The following COL16A1 variants were observed in gnomAD, a reference collection of about 807,000 sequenced individuals.
COL16A1 encodes collagen alpha-1(XVI) chain.
A neutral mutation model predicts 266.3 loss-of-function variants in COL16A1; 189 were observed. That is an observed-to-expected ratio of 0.71 (90% CI 0.63 to 0.80). COL16A1 has a LOEUF of 0.80. COL16A1 is among the 30% of genes least tolerant of loss of function. The pLI is 0.00. For synonymous variants in COL16A1, 740 were observed against 782.3 expected, an observed-to-expected ratio of 0.95 and a Z score of 0.90; for missense variants, 1,928 against 2,122.4, an observed-to-expected ratio of 0.91 and a Z score of 1.80.
intron 58 of COL16A1, 144 bp from the exon 59 acceptor site, chr1:31,661,848 G>A: frequency 1.1e-6 from 1 of 875,532 alleles, no homozygotes; most frequent in Non-Finnish European, 1.7e-6. Flanking sequence ...CCTCTGACTG[G>A]CTGTGGATCC....
rs201065908 is a variant in COL16A1, at chr1:31,661,079, C to T, written c.3812G>A (p.Arg1271Gln). 7.2e-5 allele frequency: 112 copies of T among 1,565,916 alleles called. No individual in the cohort carries two copies. Among genetic ancestry groups the T allele is most frequent in the East Asian group, 3.8e-4 (16 of 42,660 alleles). ...CCTGGCCCTCACCTCTGCGCCAGGC[C>T]GGCCAGTGCTGCCAGGGGGACCTGG... ...GKPGPPGSTG[R>Q]PGAEGEPGAM... The change falls in exon 61 of 71, where the codon CGG (arginine) becomes CAG (glutamine). Residue 1271 changes from arginine to glutamine, a missense_variant. Coordinates refer to ENST00000373672, the MANE Select transcript of COL16A1 (RefSeq NM_001856.4).
chr1:31,675,183 G>A (rs1029822482), intron 43 of COL16A1, 75 bp downstream of exon 43: 4 of 1,612,604 alleles, frequency 2.5e-6, no homozygotes, highest in Non-Finnish European at 3.4e-6. Context: ...CAGCTACCGG[G>A]CCAGCTTCAT....
rs78252499 is a variant in COL16A1, at chr1:31,672,983, G to A, written c.2860-143C>T. On this transcript the variant is annotated intron_variant, in intron 44 of 70. Transcript: ENST00000373672. ...TCCCACACTCCCTCCCTCCCCAGCC[G>A]CATCCCTGCGGCAGCTTTGCTCCAT... 7,781 of 790,020 alleles carry A rather than the reference G, an allele frequency of 9.8e-3. 85 individuals are homozygous for A. Among genetic ancestry groups the A allele is most frequent in the East Asian group, 0.035 (1,311 of 37,476 alleles). 48.9% of individuals were successfully genotyped at this position (790,020 alleles called of 1,614,324 possible).
intron 67 of COL16A1, among the ~76,000 whole-genome samples, chr1:31,655,081 A>G (rs951831549): frequency 4.7e-5 from 7 of 147,638 alleles, no homozygotes; most frequent in Non-Finnish European, 7.4e-5. Flanking sequence ...TAGATTCTCA[A>G]TCCAAAGTCC....
intron 2 of COL16A1, chr1:31,701,361 T>C (rs1644717591): frequency 1.3e-5 from 13 of 985,240 alleles, no homozygotes; most frequent in Non-Finnish European, 1.6e-5. Flanking sequence ...TATGTGCACA[T>C]ACAAGGGGCA....
intron 22 of COL16A1, 177 bp from the exon 23 acceptor site, chr1:31,690,028 C>T: frequency 1.6e-6 from 1 of 629,192 alleles, no homozygotes; most frequent in South Asian, 2.0e-5. Context: ...CATTCATTCA[C>T]CACAAGATTC....
rs1405369444 is a variant in COL16A1, at chr1:31,670,691, C to A, written c.3151-45G>T. ...GGTCACATCTCACAGGCACAGTAAC[C>A]CTGGGACAGCCTGGAGGGCACAGTC... On this transcript the variant is annotated intron_variant, in intron 48 of 70. Transcript: ENST00000373672. This position sits in a 1 kb window ranked among gnomAD's most constrained non-coding sequence, Gnocchi z 4.5. 4 of 1,403,220 alleles carry A rather than the reference C, an allele frequency of 2.9e-6. No individual in the cohort carries two copies. In the South Asian group the frequency reaches 6.5e-5, roughly 23 times the overall value. The allele number at this position is 1,403,220 out of a possible 1,614,324, so 86.9% of individuals were successfully genotyped here.
At chr1:31,654,713 G>C in intron 68 of COL16A1, 79 bp downstream of exon 68, 2 of 1,610,362 alleles carry the variant, frequency 1.2e-6, no homozygotes, top group Non-Finnish European at 1.7e-6. Flanking sequence ...GCGTTAAGGA[G>C]AAAGAGGCCA....
Position 31,652,859 on chromosome 1 carries a change from G to T in COL16A1, c.4613-6C>A. ...GCCTGGAGGACCTTGAGGACCTAGG[G>T]AGGGAAGGGCCACAGAGGGAAAATC... On this transcript the variant is annotated splice_region_variant and splice_polypyrimidine_tract_variant and intron_variant, in intron 70 of 70. Coordinates refer to ENST00000373672, the MANE Select transcript of COL16A1 (RefSeq NM_001856.4). The surrounding 1 kb of genome is among the most constrained non-coding windows in gnomAD (Gnocchi z 4.8). 6.7e-7 allele frequency: 1 copy of T among 1,498,326 alleles called. No homozygotes were observed. The highest frequency in any genetic ancestry group is 2.4e-5 in the East Asian group (1 of 41,612). The allele number at this position is 1,498,326 out of a possible 1,614,324, so 92.8% of individuals were successfully genotyped here.
At chr1:31,665,393 T>C in intron 55 of COL16A1, 159 bp from the exon 56 acceptor site, 1 of 1,400,058 alleles carries the variant, frequency 7.1e-7, no homozygotes. Flanking sequence ...CCTGCTGGGC[T>C]GGGGCCCACA....
Position 31,652,556 on chromosome 1 carries a change from C to CA in COL16A1, c.*94dup, listed in dbSNP as rs369128729. 0.033 allele frequency: 33,698 copies of CA among 1,017,214 alleles called. 5 individuals carry two copies. The highest frequency in any genetic ancestry group is 0.04 in the South Asian group (1,409 of 35,450). 63.0% of individuals were successfully genotyped at this position (1,017,214 alleles called of 1,614,324 possible). ...TAACAGCAATTAAAAACAACAACAA[C>CA]AACAAAAAAAACATTCACAACCTGT... is the stretch of plus-strand genomic sequence containing the variant. On this transcript the variant is annotated 3_prime_UTR_variant, in exon 71 of 71. Coordinates refer to ENST00000373672, the MANE Select transcript of COL16A1 (RefSeq NM_001856.4). This position sits in a 1 kb window ranked among gnomAD's most constrained non-coding sequence, Gnocchi z 4.8.
intron 49 of COL16A1, among the ~76,000 whole-genome samples, chr1:31,669,425 A>T (rs1198280110): frequency 6.6e-6 from 1 of 151,852 alleles, no homozygotes; most frequent in Non-Finnish European, 1.5e-5. Context: ...AGGGCATGTC[A>T]CTTTCCACGA....
intron 11 of COL16A1, 121 bp from the exon 12 acceptor site, chr1:31,694,291 C>T: frequency 2.8e-6 from 2 of 711,692 alleles, no homozygotes; most frequent in Non-Finnish European, 4.4e-6. Flanking sequence ...AGCCTGTATC[C>T]CAGCCCCTGC....
rs1643746357 is a variant in COL16A1, at chr1:31,682,914, G to A, written c.2538+20C>T. 6.2e-7 allele frequency: 1 copy of A among 1,613,822 alleles called. No individual in the cohort carries two copies. On this transcript the variant is annotated intron_variant, in intron 37 of 70. Coordinates refer to ENST00000373672, the MANE Select transcript of COL16A1 (RefSeq NM_001856.4). ...TTGGTTCCAGCAACACCACCAGCAT[G>A]GAGCACAGAGAAGACTTACCGGAGG...
intron 31 of COL16A1, 128 bp downstream of exon 31, chr1:31,684,395 G>C (rs1474659191): frequency 6.7e-6 from 10 of 1,497,088 alleles, no homozygotes; most frequent in Non-Finnish European, 8.9e-6. Context: ...GCCCCGAGGA[G>C]CCTCCGCTCA....
rs1275694645 is a variant in COL16A1 at position 31,668,687 on chromosome 1, C to G, written c.3249+115G>C. 15 of 1,137,720 alleles carry G rather than the reference C, an allele frequency of 1.3e-5. No homozygotes were observed. Among genetic ancestry groups the G allele is most frequent in the Non-Finnish European group, 2.0e-5 (15 of 757,252 alleles). 70.5% of individuals were successfully genotyped at this position (1,137,720 alleles called of 1,614,324 possible). A position where few individuals can be genotyped will look rare whatever the true frequency, so the allele number is the denominator to read the frequency against. ...ATCCCGGCAGAAGGGCAGAGAGTCTCAAGGAGTCCACCTCCCAGCTTCCAC... is the reference window on the plus strand; with the variant it reads ...ATCCCGGCAGAAGGGCAGAGAGTCTGAAGGAGTCCACCTCCCAGCTTCCAC... On this transcript the variant is annotated intron_variant, in intron 50 of 70. Coordinates refer to ENST00000373672, the MANE Select transcript of COL16A1 (RefSeq NM_001856.4). The surrounding 1 kb of genome is among the most constrained non-coding windows in gnomAD (Gnocchi z 5.8).
At chr1:31,677,237 C>T (rs888262842) in intron 42 of COL16A1, among the ~76,000 whole-genome samples, 31 of 152,180 alleles carry the variant, frequency 2.0e-4, no homozygotes, top group African/African-American at 7.5e-4. Flanking sequence ...AGGCATGCAC[C>T]ACAAAACCCG....
At chr1:31,674,613 A>G (rs544064950) in intron 44 of COL16A1, among the ~76,000 whole-genome samples, 1 of 152,350 alleles carries the variant, frequency 6.6e-6, no homozygotes, top group Admixed American at 6.5e-5. Flanking sequence ...GCTTTCTTCC[A>G]GGCCACACCC....
chr1:31,683,723 C>A lies in COL16A1; in HGVS notation c.2363G>T (p.Gly788Val). The change falls in exon 34 of 71, where the codon GGA becomes GTA. Residue 788 changes from glycine to valine, a missense_variant. Around this residue, in one of 2 missense-constraint regions of COL16A1, gnomAD observed 1,552 missense variants for 1,637.2 expected, o/e 0.95. Coordinates refer to ENST00000373672, the MANE Select transcript of COL16A1 (RefSeq NM_001856.4). ...GAGACTCACCTGGGGTCCCTGGACT[C>A]CCCTTCCTGGAGGCCCTGGCTCTCC... ...VQGEPGPPGR[G>V]VQGPQGEPGA... 3 of 1,614,160 alleles carry A rather than the reference C, an allele frequency of 1.9e-6. No individual in the cohort carries two copies. Among genetic ancestry groups the A allele is most frequent in the Non-Finnish European group, 2.5e-6 (3 of 1,180,010 alleles).
Sources: allele counts gnomAD v4.1 joint callset (sites outside exome capture counted in the v4.1 genomes callset), GRCh38; gene constraint gnomAD v4.1.1; regional missense constraint gnomAD v4.1.1; non-coding constraint Gnocchi (gnomAD v3.1); transcripts MANE v1.5; gene names NCBI Gene and HGNC (gene_info 2026-07-23, HGNC 2026-07-21).